The following PDE4D variants were observed in gnomAD, a reference collection of about 807,000 sequenced individuals.
The protein encoded by PDE4D is 3',5'-cyclic-AMP phosphodiesterase 4D.
In PDE4D, 24 loss-of-function variants were observed where a neutral mutation model predicts 87.4. The ratio of observed to expected loss-of-function variants is 0.27; its 90% CI spans 0.20 to 0.39. The LOEUF (loss-of-function observed/expected upper bound fraction) is 0.39, where lower values mean the gene tolerates loss of function less well. Among genes scored for constraint, PDE4D ranks in the 10% least tolerant of loss-of-function variants. PDE4D has a pLI of 1.00. For missense variants in PDE4D, 714 were observed against 1,041.0 expected, an observed-to-expected ratio of 0.69 and a Z score of 4.32; for synonymous variants, 384 against 383.2, an observed-to-expected ratio of 1.00 and a Z score of -0.02.
chr5:59,556,176 G>A (rs1818881271), intron 1 of PDE4D, among the ~76,000 whole-genome samples: 1 of 152,174 alleles, frequency 6.6e-6, no homozygotes, highest in East Asian at 1.9e-4. Context: ...TCTCTTGAGA[G>A]GCAGTGAGTG....
chr5:60,094,021 C>T (rs1775413846), intron 2 of PDE4D, among the ~76,000 whole-genome samples: 1 of 152,114 alleles, frequency 6.6e-6, no homozygotes, highest in Non-Finnish European at 1.5e-5. Flanking sequence ...TCAGGAAAAT[C>T]AGCATTTTAT....
chr5:59,562,962 C>G (rs1260459561), intron 1 of PDE4D, among the ~76,000 whole-genome samples: 2 of 152,150 alleles, frequency 1.3e-5, no homozygotes, highest in Non-Finnish European at 2.9e-5. Context: ...AGCCCAGAGG[C>G]TCTGTCTCAC....
At chr5:59,150,911 C>T (rs147901068) in intron 5 of PDE4D, among the ~76,000 whole-genome samples, 1 of 152,260 alleles carries the variant, frequency 6.6e-6, no homozygotes, top group East Asian at 1.9e-4. Flanking sequence ...AATGAGAAAG[C>T]AGACACTATG....
intron 1 of PDE4D, among the ~76,000 whole-genome samples, chr5:59,815,092 T>G (rs974464962): frequency 1.3e-5 from 2 of 152,064 alleles, no homozygotes; most frequent in African/African-American, 2.4e-5. Context: ...ACATGAGAGA[T>G]AATTGTGGTA....
chr5:59,755,886 C>T (rs1761143514), intron 1 of PDE4D, among the ~76,000 whole-genome samples: 3 of 150,454 alleles, frequency 2.0e-5, no homozygotes, highest in Admixed American at 6.6e-5. Flanking sequence ...TGGTACCCTA[C>T]TAATAACATG....
intron 1 of PDE4D, among the ~76,000 whole-genome samples, chr5:59,300,322 G>A (rs1769969981): frequency 6.6e-6 from 1 of 151,974 alleles, no homozygotes; most frequent in African/African-American, 2.4e-5. Flanking sequence ...TTTGAAATGA[G>A]TATATTTTCT....
intron 2 of PDE4D, among the ~76,000 whole-genome samples, chr5:60,010,166 A>T (rs1764889963): frequency 6.6e-6 from 1 of 152,082 alleles, no homozygotes; most frequent in Non-Finnish European, 1.5e-5. Flanking sequence ...GAATAACTCA[A>T]TCCCATCTCT....
At chr5:59,571,311 T>C (rs1001443777) in intron 1 of PDE4D, among the ~76,000 whole-genome samples, 3 of 152,354 alleles carry the variant, frequency 2.0e-5, no homozygotes, top group Non-Finnish European at 4.4e-5. Context: ...GATGAATTGG[T>C]GTGAAGACTC....
chr5:59,376,987 G>A (rs1426099665), intron 1 of PDE4D, among the ~76,000 whole-genome samples: 11 of 152,166 alleles, frequency 7.2e-5, no homozygotes, highest in Admixed American at 5.2e-4. Context: ...ACTATATGCA[G>A]AAGATTGGAC....
At position 60,211,835 on chromosome 5, in the gene PDE4D, A is replaced by C. The variant is rs564363122; in HGVS notation, c.-89-26148T>G. Among the ~76,000 whole-genome samples the C allele has an allele frequency of 8.5e-5, 13 of 152,276 alleles. No homozygotes were observed. In the South Asian group the frequency reaches 2.5e-3, roughly 29 times the overall value. On this transcript the variant is annotated intron_variant, in intron 1 of 16. Transcript: ENST00000502484. ...TAGCAAATCACCCACCTGAAGGTAC[A>C]GTATTTACTGGTACTCTATATACTG...
intron 1 of PDE4D, among the ~76,000 whole-genome samples, chr5:60,398,479 C>A (rs543201480): frequency 1.3e-5 from 2 of 152,160 alleles, no homozygotes; most frequent in Non-Finnish European, 2.9e-5. Context: ...AGTAGCCCAG[C>A]TGAGAGGACT....
chr5:59,314,267 C>T (rs909752372), intron 1 of PDE4D: 5 of 152,074 alleles, frequency 3.3e-5, no homozygotes, highest in African/African-American at 9.7e-5. Flanking sequence ...ATAGATAACA[C>T]CCAACATACA....
At chr5:59,848,606 A>G (rs1744219143) in intron 1 of PDE4D, among the ~76,000 whole-genome samples, 1 of 152,072 alleles carries the variant, frequency 6.6e-6, no homozygotes, top group African/African-American at 2.4e-5. Context: ...AGGAAAATAT[A>G]TCACAGTTTT....
chr5:60,042,437 G>A (rs949796932), intron 2 of PDE4D, among the ~76,000 whole-genome samples: 1 of 152,220 alleles, frequency 6.6e-6, no homozygotes, highest in African/African-American at 2.4e-5. Flanking sequence ...CGCAGTGCTT[G>A]AGCTCTGCTA....
chr5:59,320,951 A>G (rs1774618311), intron 1 of PDE4D, among the ~76,000 whole-genome samples: 2 of 152,050 alleles, frequency 1.3e-5, no homozygotes, highest in African/African-American at 2.4e-5. Context: ...CTATTGATAA[A>G]TTTGTTTATA....
chr5:59,596,132 C>T (rs1275828089), intron 1 of PDE4D, among the ~76,000 whole-genome samples: 2 of 151,504 alleles, frequency 1.3e-5, no homozygotes, highest in Non-Finnish European at 2.9e-5. Flanking sequence ...CCACTTCTAA[C>T]CCATGCACAT....
At chr5:59,251,568 AC>A (rs1469751345) in intron 1 of PDE4D, among the ~76,000 whole-genome samples, 1 of 152,162 alleles carries the variant, frequency 6.6e-6, no homozygotes, top group Non-Finnish European at 1.5e-5. Context: ...ACACTTACAA[AC>A]TTTTGGTGGG....
At chr5:59,583,280 A>C (rs1824510011) in intron 1 of PDE4D, among the ~76,000 whole-genome samples, 1 of 152,208 alleles carries the variant, frequency 6.6e-6, no homozygotes, top group African/African-American at 2.4e-5. Flanking sequence ...CCAGGTCATA[A>C]TGCTTCTAAA....
At chr5:59,180,214 T>G in intron 5 of PDE4D, 1 of 362,444 alleles carries the variant, frequency 2.8e-6, no homozygotes, top group Non-Finnish European at 5.3e-6. Flanking sequence ...CTTTTATTTA[T>G]GCCTTCACTC....
Sources: allele counts gnomAD v4.1 joint callset (sites outside exome capture counted in the v4.1 genomes callset), GRCh38; gene constraint gnomAD v4.1.1; transcripts MANE v1.5; gene names NCBI Gene and HGNC (gene_info 2026-07-23, HGNC 2026-07-21).